Variants in ITPR1 observed in about 807,000 individuals in gnomAD.
The protein encoded by ITPR1 is inositol 1,4,5-trisphosphate receptor type 1.
Under a neutral mutation model 318.4 loss-of-function variants are expected in ITPR1, and 96 were observed. The ratio of observed to expected loss-of-function variants is 0.30; its 90% CI spans 0.26 to 0.36. The LOEUF (loss-of-function observed/expected upper bound fraction) is 0.36, where lower values mean the gene tolerates loss of function less well. ITPR1 is among the 10% of genes least tolerant of loss of function. The probability of loss-of-function intolerance (pLI) is 1.00; values close to 1 mark genes in which losing one functional copy is unlikely to be tolerated. For missense variants in ITPR1, 2,440 were observed against 3,460.2 expected (o/e 0.71, Z 7.40); for synonymous variants, 1,312 against 1,289.9 (o/e 1.02, Z -0.37).
intron 26 of ITPR1, among the ~76,000 whole-genome samples, chr3:4,682,800 T>C (rs1396029662): frequency 6.6e-6 from 1 of 151,858 alleles, no homozygotes; most frequent in Non-Finnish European, 1.5e-5. Flanking sequence ...TGTCATTCAT[T>C]TGACTCTAAA....
intron 33 of ITPR1, among the ~76,000 whole-genome samples, chr3:4,695,317 A>G (rs1190792302): frequency 6.6e-6 from 1 of 152,234 alleles, no homozygotes; most frequent in Non-Finnish European, 1.5e-5. Context: ...CTTGTTATGG[A>G]TAAAGAAGGT....
intron 4 of ITPR1, among the ~76,000 whole-genome samples, chr3:4,619,253 A>G (rs1271621710): frequency 6.6e-6 from 1 of 151,946 alleles, no homozygotes; most frequent in Non-Finnish European, 1.5e-5. Flanking sequence ...GTATTTTCTT[A>G]TGCTGGGGAA....
At chr3:4,845,006 T>C (rs2051653722) in intron 61 of ITPR1, among the ~76,000 whole-genome samples, 1 of 152,252 alleles carries the variant, frequency 6.6e-6, no homozygotes, top group African/African-American at 2.4e-5. Context: ...GTGTCACATC[T>C]ACTATGTGAC....
intron 40 of ITPR1, among the ~76,000 whole-genome samples, chr3:4,718,858 A>G (rs1281321713): frequency 1.3e-5 from 2 of 152,180 alleles, no homozygotes; most frequent in Admixed American, 6.5e-5. Context: ...AATCACTTCT[A>G]TGCTGAATTT....
Position 4,618,872 on chromosome 3 carries a change from G to A in ITPR1, c.164-8891G>A, listed in dbSNP as rs973637976. 4.6e-5 allele frequency among the ~76,000 whole-genome samples: 7 copies of A among 152,206 alleles called. No homozygotes were observed. In the East Asian group the frequency reaches 1.3e-3, roughly 29 times the overall value. Reference sequence around the variant, plus strand: ...GCATACTGTCTCGACTATAGAACAAGGGTTGGCATTTGAGCTGGGCCAGGG... The same window carrying A: ...GCATACTGTCTCGACTATAGAACAAAGGTTGGCATTTGAGCTGGGCCAGGG... On this transcript the variant is annotated intron_variant, in intron 4 of 61. Coordinates refer to ENST00000649015, the MANE Select transcript of ITPR1 (RefSeq NM_001378452.1).
intron 54 of ITPR1, among the ~76,000 whole-genome samples, chr3:4,805,432 CA>C (rs1258871882): frequency 6.6e-6 from 1 of 152,178 alleles, no homozygotes; most frequent in Non-Finnish European, 1.5e-5. Flanking sequence ...TCATTGTACC[CA>C]GGGGAATACA....
At chr3:4,837,487 T>C (rs73807179) in intron 61 of ITPR1, among the ~76,000 whole-genome samples, 2,950 of 152,064 alleles carry the variant, frequency 0.019, 97 homozygotes, top group African/African-American at 0.068. Flanking sequence ...GTGAACAATA[T>C]AGACATACTC....
At chr3:4,743,974 A>C (rs2043892137) in intron 44 of ITPR1, among the ~76,000 whole-genome samples, 2 of 152,170 alleles carry the variant, frequency 1.3e-5, no homozygotes, top group African/African-American at 2.4e-5. Context: ...AGCTGGGACT[A>C]CAGGTGCCCA....
At chr3:4,806,400 T>A (rs192728146) in intron 55 of ITPR1, 133 bp downstream of exon 55, 2 of 858,962 alleles carry the variant, frequency 2.3e-6, no homozygotes, top group East Asian at 2.5e-5. Flanking sequence ...AGCTCCACAG[T>A]TGGCAGCCTT....
intron 4 of ITPR1, among the ~76,000 whole-genome samples, chr3:4,599,316 T>G (rs1379380480): frequency 6.6e-6 from 1 of 152,230 alleles, no homozygotes; most frequent in Non-Finnish European, 1.5e-5. Flanking sequence ...TGACTCCTGC[T>G]CACGCTTGTT....
At chr3:4,745,257 A>G (rs1032356635) in intron 44 of ITPR1, among the ~76,000 whole-genome samples, 2 of 149,802 alleles carry the variant, frequency 1.3e-5, no homozygotes, top group Non-Finnish European at 3.0e-5. Flanking sequence ...TTTCTTCCCT[A>G]GAGTCATCTC....
chr3:4,666,003 G>C (rs1430317006), intron 17 of ITPR1, among the ~76,000 whole-genome samples: 4 of 152,084 alleles, frequency 2.6e-5, no homozygotes, highest in Admixed American at 1.3e-4. Flanking sequence ...GGGGAGGCTA[G>C]GGATGCTCTC....
intron 44 of ITPR1, among the ~76,000 whole-genome samples, chr3:4,758,354 C>A (rs537726582): frequency 6.6e-6 from 1 of 152,144 alleles, no homozygotes; most frequent in Non-Finnish European, 1.5e-5. Flanking sequence ...AAGCCATGCC[C>A]GCTCCCACCA....
At chr3:4,762,927 T>C (rs894542144) in intron 44 of ITPR1, among the ~76,000 whole-genome samples, 4 of 152,118 alleles carry the variant, frequency 2.6e-5, no homozygotes, top group Non-Finnish European at 5.9e-5. Context: ...AGCAAAGACA[T>C]GGAATCAACC....
chr3:4,626,965 C>T (rs910130781), intron 4 of ITPR1, among the ~76,000 whole-genome samples: 3 of 152,082 alleles, frequency 2.0e-5, no homozygotes, highest in South Asian at 2.1e-4. Flanking sequence ...ATTACAGGCG[C>T]GTACCACTAT....
chr3:4,506,804 G>A (rs1460328315), intron 2 of ITPR1, among the ~76,000 whole-genome samples: 1 of 152,140 alleles, frequency 6.6e-6, no homozygotes, highest in African/African-American at 2.4e-5. Context: ...AACTTATACA[G>A]TGAGAGTCCT....
Position 4,711,781 on chromosome 3 carries a change from G to A in ITPR1, c.5016G>A (p.Leu1672=), listed in dbSNP as rs2041390801. ...ICKLIKHTKQ[L]LEENEEKLCI... is the part of the protein sequence containing the mutation. ...GGTTAATAAAGCATACAAAACAGCTGCTAGAAGAAAATGAAGAGAAGCTCT... is the reference window on the plus strand; with the variant it reads ...GGTTAATAAAGCATACAAAACAGCTACTAGAAGAAAATGAAGAGAAGCTCT... The change falls in exon 39 of 62, where the codon CTG becomes CTA. Residue 1672 remains leucine, a synonymous_variant. Coordinates refer to ENST00000649015, the MANE Select transcript of ITPR1 (RefSeq NM_001378452.1). 6.4e-7 allele frequency: 1 copy of A among 1,550,862 alleles called. No homozygotes were observed. Among genetic ancestry groups the A allele is most frequent in the Non-Finnish European group, 8.7e-7 (1 of 1,145,196 alleles).
intron 4 of ITPR1, among the ~76,000 whole-genome samples, chr3:4,582,201 G>A (rs1409479890): frequency 2.0e-5 from 3 of 152,066 alleles, no homozygotes; most frequent in Non-Finnish European, 4.4e-5. Flanking sequence ...GTTAGATACC[G>A]CTTATTTTTA....
chr3:4,547,052 C>T (rs1039216324), intron 4 of ITPR1, among the ~76,000 whole-genome samples: 6 of 152,134 alleles, frequency 3.9e-5, no homozygotes, highest in African/African-American at 1.2e-4. Context: ...GGCATGAACA[C>T]GTTGGACTAG....
Sources: allele counts gnomAD v4.1 joint callset (sites outside exome capture counted in the v4.1 genomes callset), GRCh38; gene constraint gnomAD v4.1.1; transcripts MANE v1.5; gene names NCBI Gene and HGNC (gene_info 2026-07-23, HGNC 2026-07-21).